GATAD2B: variants seen among roughly 807,000 people sequenced by gnomAD.
The protein encoded by GATAD2B is transcriptional repressor p66-beta.
GATAD2B carries 8 observed loss-of-function variants against 64.3 expected under a neutral mutation model. That is an observed-to-expected ratio of 0.12 (90% confidence interval 0.07 to 0.22). The LOEUF (loss-of-function observed/expected upper bound fraction) is 0.22. Among genes scored for constraint, GATAD2B ranks in the 10% least tolerant of loss-of-function variants. The probability of loss-of-function intolerance (pLI) is 1.00; values close to 1 mark genes in which losing one functional copy is unlikely to be tolerated. For missense variants in GATAD2B, 453 were observed against 752.0 expected, an observed-to-expected ratio of 0.60 and a Z score of 4.65; for synonymous variants, 281 against 271.3, an observed-to-expected ratio of 1.04 and a Z score of -0.35.
At chr1:153,905,033 G>A (rs545688093) in intron 1 of GATAD2B, among the ~76,000 whole-genome samples, 251 of 151,496 alleles carry the variant, frequency 1.7e-3, no homozygotes, top group Admixed American at 2.8e-3. Context: ...TAGTAGAGAC[G>A]GGGTTTCACT....
At chr1:153,848,659 T>G (rs765811850) in intron 1 of GATAD2B, among the ~76,000 whole-genome samples, 2 of 152,022 alleles carry the variant, frequency 1.3e-5, no homozygotes, top group Non-Finnish European at 1.5e-5. Context: ...TCCATTTGGG[T>G]GTTGTCTTAG....
At chr1:153,911,083 C>G (rs1267504806) in intron 1 of GATAD2B, among the ~76,000 whole-genome samples, 1 of 152,104 alleles carries the variant, frequency 6.6e-6, no homozygotes, top group Non-Finnish European at 1.5e-5. Flanking sequence ...AGCATATTCT[C>G]TGGAACACAG....
chr1:153,880,096 C>T (rs1676962505), intron 1 of GATAD2B, among the ~76,000 whole-genome samples: 1 of 152,094 alleles, frequency 6.6e-6, no homozygotes, highest in Admixed American at 6.6e-5. Context: ...GCTCTATTAT[C>T]TGGCTTTTTG....
At chr1:153,868,396 TG>T (rs1676548857) in intron 1 of GATAD2B, among the ~76,000 whole-genome samples, 1 of 151,556 alleles carries the variant, frequency 6.6e-6, no homozygotes, top group Admixed American at 6.6e-5. Flanking sequence ...AGCAGACAGC[TG>T]GATTCTCATA....
At chr1:153,829,892 G>A (rs940618643) in intron 1 of GATAD2B, among the ~76,000 whole-genome samples, 6 of 152,108 alleles carry the variant, frequency 3.9e-5, no homozygotes, top group Non-Finnish European at 5.9e-5. Context: ...TTGAGATCAG[G>A]AGTTCGAGAC....
intron 1 of GATAD2B, chr1:153,922,047 A>T (rs1678456633): frequency 6.6e-6 from 1 of 152,288 alleles, no homozygotes. Flanking sequence ...CAGTCGCTGT[A>T]GAAGCTAAGT....
intron 1 of GATAD2B, among the ~76,000 whole-genome samples, chr1:153,891,991 G>GT (rs917683750): frequency 2.6e-5 from 4 of 151,476 alleles, no homozygotes; most frequent in South Asian, 2.1e-4. Context: ...GTGAAGCCCC[G>GT]TATCTACTAA....
At chr1:153,882,094 G>C (rs1251656813) in intron 1 of GATAD2B, among the ~76,000 whole-genome samples, 2 of 152,054 alleles carry the variant, frequency 1.3e-5, no homozygotes, top group African/African-American at 4.8e-5. Context: ...TCAGGACATG[G>C]AATTATCTCT....
intron 1 of GATAD2B, among the ~76,000 whole-genome samples, chr1:153,910,465 C>A (rs542593860): frequency 6.6e-6 from 1 of 152,224 alleles, no homozygotes; most frequent in South Asian, 2.1e-4. Context: ...TTGGGCTGGG[C>A]GCAGTGGCTC....
intron 1 of GATAD2B, among the ~76,000 whole-genome samples, chr1:153,869,731 T>G (rs1485392633): frequency 2.0e-5 from 3 of 152,166 alleles, no homozygotes; most frequent in Non-Finnish European, 4.4e-5. Flanking sequence ...CCAGGCCCTT[T>G]CAGAAAAGGA....
intron 1 of GATAD2B, among the ~76,000 whole-genome samples, chr1:153,915,147 C>T (rs1014565588): frequency 2.6e-5 from 4 of 152,154 alleles, no homozygotes; most frequent in East Asian, 1.9e-4. Flanking sequence ...CACTTGAACC[C>T]GGGAGGCGGT....
intron 1 of GATAD2B, among the ~76,000 whole-genome samples, chr1:153,884,160 T>C (rs1298249698): frequency 6.6e-6 from 1 of 150,504 alleles, no homozygotes; most frequent in African/African-American, 2.5e-5. Context: ...AGCCTGGCGT[T>C]GCAGGCACAG....
chr1:153,864,480 A>C lies in GATAD2B; in HGVS notation c.-1-36132T>G, dbSNP rs555412940. Among the ~76,000 whole-genome samples the C allele has an allele frequency of 7.9e-4, 120 of 152,270 alleles. 1 individual carries two copies. Among genetic ancestry groups the C allele is most frequent in the Non-Finnish European group, 1.0e-3 (70 of 68,022 alleles). On this transcript the variant is annotated intron_variant, in intron 1 of 10. Transcript: ENST00000368655. The stretch of plus-strand genomic sequence containing the variant: ...AAAAATTTAAAAATTAGCTGAGTAC[A>C]ATGGCGCATGCCTATAGTCCCAGCT...
chr1:153,889,388 G>A (rs1207706571), intron 1 of GATAD2B, among the ~76,000 whole-genome samples: 6 of 125,980 alleles, frequency 4.8e-5, no homozygotes, highest in African/African-American at 1.7e-4. Flanking sequence ...CTCCAGCCTG[G>A]GCAACAAGAG....
intron 1 of GATAD2B, among the ~76,000 whole-genome samples, chr1:153,841,002 G>T (rs561685375): frequency 6.6e-6 from 1 of 151,932 alleles, no homozygotes; most frequent in South Asian, 2.1e-4. Context: ...GCATGTGCCT[G>T]TAGTCTGAGC....
intron 4 of GATAD2B, 119 bp downstream of exon 4, chr1:153,818,672 T>TA (rs1259465592): frequency 1.1e-6 from 1 of 896,216 alleles, no homozygotes; most frequent in African/African-American, 1.7e-5. Flanking sequence ...TACTACAGAC[T>TA]AAAAAACTAC....
chr1:153,911,958 T>A (rs1160666635), intron 1 of GATAD2B, among the ~76,000 whole-genome samples: 1 of 152,252 alleles, frequency 6.6e-6, no homozygotes, highest in Non-Finnish European at 1.5e-5. Flanking sequence ...AATTTTTCTA[T>A]TTTGATAAAA....
chr1:153,908,995 G>C (rs1430980298), intron 1 of GATAD2B, among the ~76,000 whole-genome samples: 1 of 151,704 alleles, frequency 6.6e-6, no homozygotes, highest in Non-Finnish European at 1.5e-5. Flanking sequence ...GAGCCCAAGA[G>C]TTCGAGACCT....
chr1:153,918,546 G>A (rs1219216541), intron 1 of GATAD2B, among the ~76,000 whole-genome samples: 1 of 152,156 alleles, frequency 6.6e-6, no homozygotes, highest in Non-Finnish European at 1.5e-5. Context: ...TATTTTTAAA[G>A]ATTATAAATT....
Sources: allele counts gnomAD v4.1 joint callset (sites outside exome capture counted in the v4.1 genomes callset), GRCh38; gene constraint gnomAD v4.1.1; transcripts MANE v1.5; gene names NCBI Gene and HGNC (gene_info 2026-07-23, HGNC 2026-07-21).